Variants in IFT57 observed in about 807,000 individuals in gnomAD.
The protein encoded by IFT57 is intraflagellar transport 57.
IFT57 carries 59 observed loss-of-function variants against 56.8 expected under a neutral mutation model. That is an observed-to-expected ratio of 1.04 (90% CI 0.84 to 1.29). The LOEUF (loss-of-function observed/expected upper bound fraction) is 1.29. Among genes scored for constraint, IFT57 ranks in the 50% most tolerant of loss-of-function variants. The probability of loss-of-function intolerance (pLI) is 0.00; values close to 1 mark genes in which losing one functional copy is unlikely to be tolerated. For missense variants in IFT57, 470 were observed against 522.1 expected, an observed-to-expected ratio of 0.90 and a Z score of 0.97; for synonymous variants, 209 against 186.1, an observed-to-expected ratio of 1.12 and a Z score of -1.00.
chr3:108,190,266 T>C (rs1427118822), intron 6 of IFT57, among the ~76,000 whole-genome samples: 1 of 152,204 alleles, frequency 6.6e-6, no homozygotes, highest in Non-Finnish European at 1.5e-5. Flanking sequence ...GATTGTGTTC[T>C]GAAATGTAAG....
Position 108,206,685 on chromosome 3 carries a change from T to C in IFT57, c.597A>G (p.Thr199=), listed in dbSNP as rs1463358094. The change falls in exon 5 of 11, where the codon ACA becomes ACG. Residue 199 remains threonine, a synonymous_variant. Coordinates refer to ENST00000264538, the MANE Select transcript of IFT57 (RefSeq NM_018010.4). ...GATCAATAAAGTTTTCTTCATTATC[T>C]GTCTCTTCTTCCTTAGAAAATAAAT... is the stretch of plus-strand genomic sequence containing the variant. ...KVDEEFVEEE[T]DNEENFIDLN... is the part of the protein sequence containing the mutation. 7.8e-7 allele frequency: 1 copy of C among 1,281,614 alleles called. No individual in the cohort carries two copies. The highest frequency in any genetic ancestry group is 1.5e-5 in the African/African-American group (1 of 65,960). The allele number at this position is 1,281,614 out of a possible 1,614,324, so 79.4% of individuals were successfully genotyped here.
At chr3:108,199,006 G>A (rs1265470819) in intron 5 of IFT57, among the ~76,000 whole-genome samples, 3 of 152,018 alleles carry the variant, frequency 2.0e-5, no homozygotes, top group East Asian at 3.9e-4. Flanking sequence ...ATAAAAAATT[G>A]CATCAATATC....
intron 9 of IFT57, 67 bp downstream of exon 9, chr3:108,165,364 T>C (rs327167): frequency 1 from 1,243,007 of 1,243,726 alleles, 621,148 homozygotes; most frequent in Middle Eastern, 1. Context: ...GTTAAACCAT[T>C]TGTAGGTTCT....
rs780747662 is a variant in IFT57, at chr3:108,219,478, C to G, written c.307G>C (p.Glu103Gln). 9 of 1,613,874 alleles carry G rather than the reference C, an allele frequency of 5.6e-6. No homozygotes were observed. The South Asian group carries it at 9.9e-5, about 18-fold the overall frequency. The change falls in exon 2 of 11, where the codon GAG (glutamate) becomes CAG (glutamine). Residue 103 changes from glutamate to glutamine, a missense_variant. Physicochemically the swap from Glu to Gln is conservative, Grantham distance 29. Transcript: ENST00000264538. Reference sequence around the variant, plus strand: ...GGGTCATCATATTCTTGAGGCTGCTCAAAGGGACGTCCCGCTTTATTAATC... The same window carrying G: ...GGGTCATCATATTCTTGAGGCTGCTGAAAGGGACGTCCCGCTTTATTAATC... ...WLINKAGRPF[E>Q]QPQEYDDPNA...
chr3:108,207,065 T>G (rs2080317882), intron 4 of IFT57, among the ~76,000 whole-genome samples: 1 of 152,150 alleles, frequency 6.6e-6, no homozygotes, highest in Non-Finnish European at 1.5e-5. Flanking sequence ...AGGGAATTAA[T>G]GGATATTTTT....
In IFT57 at chr3:108,166,836, A is replaced by G; in HGVS notation, c.981+18T>C. The G allele has an allele frequency of 1.2e-6, 2 of 1,603,576 alleles. No individual in the cohort carries two copies. Among genetic ancestry groups the G allele is most frequent in the Non-Finnish European group, 1.7e-6 (2 of 1,174,240 alleles). The stretch of plus-strand genomic sequence containing the variant: ...GTTGTTAACTTGAATAAATCCTTGG[A>G]AATCATTCTTAAATTACCTCACTCA... On this transcript the variant is annotated intron_variant, in intron 8 of 10. Coordinates refer to ENST00000264538, the MANE Select transcript of IFT57 (RefSeq NM_018010.4).
rs142853403 is a variant in IFT57, at chr3:108,166,790, G to A, written c.981+64C>T. 2.2e-4 allele frequency: 305 copies of A among 1,372,370 alleles called. 1 individual carries two copies. The African/African-American group carries it at 3.9e-3, about 18-fold the overall frequency. 85.0% of individuals were successfully genotyped at this position (1,372,370 alleles called of 1,614,324 possible). On this transcript the variant is annotated intron_variant, in intron 8 of 10. Coordinates refer to ENST00000264538, the MANE Select transcript of IFT57 (RefSeq NM_018010.4). ...TCATGATTCTCAAATGAACAGTATT[G>A]TGTCAAGTTTAGGGTTTAGGGTTGT...
intron 5 of IFT57, among the ~76,000 whole-genome samples, chr3:108,201,138 C>T (rs988307444): frequency 1.3e-5 from 2 of 152,090 alleles, no homozygotes; most frequent in Non-Finnish European, 2.9e-5. Flanking sequence ...GGTCATGTGG[C>T]GAGTGACACA....
At chr3:108,184,039 G>A (rs1358860029) in intron 6 of IFT57, among the ~76,000 whole-genome samples, 1 of 152,062 alleles carries the variant, frequency 6.6e-6, no homozygotes, top group Non-Finnish European at 1.5e-5. Context: ...ATGTAGGAAA[G>A]TATTATCCTT....
chr3:108,172,252 T>C (rs1041795522), intron 6 of IFT57, among the ~76,000 whole-genome samples: 2 of 151,678 alleles, frequency 1.3e-5, no homozygotes, highest in Non-Finnish European at 2.9e-5. Context: ...GGGAGTAACA[T>C]GAACAAGGAA....
chr3:108,168,212 G>A (rs1428747301), intron 6 of IFT57, among the ~76,000 whole-genome samples: 1 of 151,786 alleles, frequency 6.6e-6, no homozygotes, highest in African/African-American at 2.4e-5. Context: ...AATTATGTTT[G>A]CCAAAAGCAA....
intron 5 of IFT57, among the ~76,000 whole-genome samples, chr3:108,205,809 A>G (rs1427434634): frequency 7.4e-6 from 1 of 135,022 alleles, no homozygotes; most frequent in Non-Finnish European, 1.6e-5. Context: ...AAAATATTAT[A>G]GCATATTATA....
chr3:108,179,399 T>C (rs1345111523), intron 6 of IFT57, among the ~76,000 whole-genome samples: 1 of 152,006 alleles, frequency 6.6e-6, no homozygotes, highest in Non-Finnish European at 1.5e-5. Context: ...TGCACATATC[T>C]AAGTTTACTC....
chr3:108,198,132 C>G (rs1027288526), intron 5 of IFT57, among the ~76,000 whole-genome samples: 20 of 152,262 alleles, frequency 1.3e-4, no homozygotes, highest in African/African-American at 4.8e-4. Flanking sequence ...AGAATAGTTA[C>G]ATGACTTTTT....
chr3:108,182,375 T>C (rs72931696), intron 6 of IFT57, among the ~76,000 whole-genome samples: 14,629 of 152,054 alleles, frequency 0.096, 766 homozygotes, highest in Middle Eastern at 0.12. Flanking sequence ...AGATCTAATA[T>C]AGCAATTCTG....
chr3:108,191,674 A>G, intron 5 of IFT57, 31 bp from the exon 6 acceptor site: 1 of 1,558,406 alleles, frequency 6.4e-7, no homozygotes, highest in Middle Eastern at 1.7e-4. Context: ...CAAGATTGAG[A>G]GTTTATAAAA....
At position 108,213,944 on chromosome 3, in the gene IFT57, T is replaced by C. The variant is rs994313189; in HGVS notation, c.572A>G (p.Asp191Gly). ...CTACACACATACCACAAATTCTTCA[T>C]CCACTTTATTTAATGTTAATTCTGC... ...DDAELTLNKV[D>G]EEFVEEETDN... Residue 191 changes from aspartate (D) to glycine (G), a missense_variant, in exon 4 of 11, where the codon GAT becomes GGT. Physicochemically the swap from Asp to Gly is moderately conservative, Grantham distance 94. Transcript: ENST00000264538. 1.0e-5 allele frequency: 16 copies of C among 1,603,450 alleles called. No individual in the cohort carries two copies. The highest frequency in any genetic ancestry group is 1.4e-5 in the Non-Finnish European group (16 of 1,171,058).
chr3:108,171,716 A>G (rs185745311), intron 6 of IFT57, among the ~76,000 whole-genome samples: 159 of 151,974 alleles, frequency 1.0e-3, no homozygotes, highest in African/African-American at 3.4e-3. Context: ...TTGAGCCTCA[A>G]AATGGAAACC....
At chr3:108,189,272 A>C (rs2080201923) in intron 6 of IFT57, among the ~76,000 whole-genome samples, 1 of 152,202 alleles carries the variant, frequency 6.6e-6, no homozygotes, top group South Asian at 2.1e-4. Context: ...ACTTACATTG[A>C]ATAGAATTTG....
Sources: allele counts gnomAD v4.1 joint callset (sites outside exome capture counted in the v4.1 genomes callset), GRCh38; gene constraint gnomAD v4.1.1; transcripts MANE v1.5; gene names NCBI Gene and HGNC (gene_info 2026-07-23, HGNC 2026-07-21).